The following CHCHD3 variants were observed in gnomAD, a reference collection of about 807,000 sequenced individuals.
The protein encoded by CHCHD3 is coiled-coil-helix-coiled-coil-helix domain containing 3.
Under a neutral mutation model 38.2 loss-of-function variants are expected in CHCHD3, and 20 were observed. The observed-to-expected ratio is 0.52, with a 90% CI of 0.37 to 0.76. CHCHD3 has a LOEUF of 0.76. Ranked by LOEUF, CHCHD3 falls within the 30% of genes least tolerant of loss-of-function variation. The pLI is 0.00. For missense variants in CHCHD3, 245 were observed against 279.2 expected (o/e 0.88, Z 0.87); for synonymous variants, 82 against 100.0 (o/e 0.82, Z 1.07).
intron 2 of CHCHD3, among the ~76,000 whole-genome samples, chr7:133,051,377 G>A (rs1208929155): frequency 6.6e-6 from 1 of 152,136 alleles, no homozygotes; most frequent in Non-Finnish European, 1.5e-5. Flanking sequence ...CAGCTGCTCT[G>A]TTAAATTTAG....
chr7:133,043,988 T>C (rs1813906558), intron 2 of CHCHD3, among the ~76,000 whole-genome samples: 1 of 152,228 alleles, frequency 6.6e-6, no homozygotes, highest in South Asian at 2.1e-4. Context: ...TTTATGATGC[T>C]CATTAACCTG....
rs193291721 is a variant in CHCHD3 at position 133,060,148 on chromosome 7, G to A, written c.169+9994C>T. 4.6e-5 allele frequency among the ~76,000 whole-genome samples: 7 copies of A among 152,228 alleles called. No homozygotes were observed. In the East Asian group the frequency reaches 1.4e-3, roughly 29 times the overall value. On this transcript the variant is annotated intron_variant, in intron 2 of 7. Transcript: ENST00000262570. ...AATGGCTCTTGAAGGAAATCTCCTC[G>A]ACCCTCTGAGACTTCTTCTTTTCCT...
At chr7:132,888,257 T>C (rs1027729587) in intron 4 of CHCHD3, among the ~76,000 whole-genome samples, 1 of 151,910 alleles carries the variant, frequency 6.6e-6, no homozygotes, top group Non-Finnish European at 1.5e-5. Flanking sequence ...ATCTATTTTC[T>C]TATTTTTGCT....
At chr7:132,887,115 A>G in intron 4 of CHCHD3, 1 of 435,804 alleles carries the variant, frequency 2.3e-6, no homozygotes, top group Non-Finnish European at 3.8e-6. Context: ...GTAATGGAGA[A>G]AAAATAAAAA....
chr7:133,016,398 T>C (rs115908023), intron 3 of CHCHD3, among the ~76,000 whole-genome samples: 1 of 152,240 alleles, frequency 6.6e-6, no homozygotes, highest in African/African-American at 2.4e-5. Context: ...GCATGTTCTA[T>C]GTATGTGTCT....
At position 132,975,252 on chromosome 7, in the gene CHCHD3, C is replaced by T. The variant is rs757384725; in HGVS notation, c.286G>A (p.Ala96Thr). 5 of 1,613,106 alleles carry T rather than the reference C, an allele frequency of 3.1e-6. No homozygotes were observed. In the South Asian group the frequency reaches 3.3e-5, roughly 11 times the overall value. Reference sequence around the variant, plus strand: ...CTGGTTAACTGCTCATTGGCAGCAGCCCTCTCTCGGTCCAGCTCTTTGGCT... The same window carrying T: ...CTGGTTAACTGCTCATTGGCAGCAGTCCTCTCTCGGTCCAGCTCTTTGGCT... ...KQAKELDRER[A>T]AANEQLTRAI... Residue 96 changes from alanine (A) to threonine (T), a missense_variant, in exon 4 of 8, where the codon GCT (alanine) becomes ACT (threonine). Physicochemically the swap from Ala to Thr is moderately conservative, Grantham distance 58 (BLOSUM62 0). Coordinates refer to ENST00000262570, the MANE Select transcript of CHCHD3 (RefSeq NM_017812.4).
intron 3 of CHCHD3, among the ~76,000 whole-genome samples, chr7:133,016,237 T>C (rs753767252): frequency 4.6e-5 from 7 of 152,134 alleles, no homozygotes; most frequent in Non-Finnish European, 8.8e-5. Context: ...ATAGTTGAAA[T>C]GAATGAAAAT....
intron 5 of CHCHD3, among the ~76,000 whole-genome samples, chr7:132,869,337 T>G (rs932955380): frequency 6.6e-6 from 1 of 152,152 alleles, no homozygotes; most frequent in African/African-American, 2.4e-5. Context: ...CCATAGAATT[T>G]AATAAACATA....
At chr7:132,830,250 TCA>T (rs1374856860) in intron 6 of CHCHD3, among the ~76,000 whole-genome samples, 3 of 152,204 alleles carry the variant, frequency 2.0e-5, no homozygotes, top group African/African-American at 7.2e-5. Context: ...AAAGCCAGTC[TCA>T]CTTTCCTTGG....
chr7:133,055,711 G>A (rs917821927), intron 2 of CHCHD3, among the ~76,000 whole-genome samples: 2 of 150,738 alleles, frequency 1.3e-5, no homozygotes, highest in South Asian at 4.2e-4. Flanking sequence ...GAAAAATATA[G>A]ATAAAATGTC....
At chr7:132,910,379 T>C (rs374223605) in intron 4 of CHCHD3, among the ~76,000 whole-genome samples, 2 of 152,354 alleles carry the variant, frequency 1.3e-5, no homozygotes, top group African/African-American at 4.8e-5. Flanking sequence ...TATACTTGCC[T>C]GTATTGTTCA....
intron 2 of CHCHD3, among the ~76,000 whole-genome samples, chr7:133,032,889 T>A (rs922926470): frequency 6.6e-6 from 1 of 152,196 alleles, no homozygotes; most frequent in Non-Finnish European, 1.5e-5. Context: ...CAAAAATGAT[T>A]ATATTTTGTT....
At chr7:132,826,762 G>A (rs1807519303) in intron 6 of CHCHD3, among the ~76,000 whole-genome samples, 1 of 152,168 alleles carries the variant, frequency 6.6e-6, no homozygotes, top group Non-Finnish European at 1.5e-5. Flanking sequence ...TACTGCATAT[G>A]ATTATTATAT....
intron 4 of CHCHD3, among the ~76,000 whole-genome samples, chr7:132,943,907 C>T (rs1426448617): frequency 2.0e-5 from 3 of 151,992 alleles, no homozygotes; most frequent in East Asian, 1.9e-4. Context: ...TAAATAACAA[C>T]AGAACTTGTA....
At chr7:132,861,661 C>A (rs1808493583) in intron 5 of CHCHD3, among the ~76,000 whole-genome samples, 1 of 152,190 alleles carries the variant, frequency 6.6e-6, no homozygotes, top group African/African-American at 2.4e-5. Flanking sequence ...GTCACATGGT[C>A]TCTGTCAAAG....
chr7:132,849,024 C>A (rs1441171609), intron 5 of CHCHD3: 2 of 152,174 alleles, frequency 1.3e-5, no homozygotes, highest in African/African-American at 4.8e-5. Context: ...GAAAGGTACA[C>A]TAAGGAATGG....
At chr7:132,939,566 C>T (rs926445332) in intron 4 of CHCHD3, among the ~76,000 whole-genome samples, 3 of 152,150 alleles carry the variant, frequency 2.0e-5, no homozygotes, top group African/African-American at 7.2e-5. Context: ...TGTAAGTACA[C>T]TCTCTAGTAT....
rs553841903 is a variant in CHCHD3, at chr7:132,901,004, C to T, written c.370-15259G>A. Among the ~76,000 whole-genome samples, 4 of 151,964 alleles carry T rather than the reference C, an allele frequency of 2.6e-5. No homozygotes were observed. In the South Asian group the frequency reaches 8.3e-4, roughly 32 times the overall value. On this transcript the variant is annotated intron_variant, in intron 4 of 7. Transcript: ENST00000262570. ...AGCCTCCCTCTCAAAAAACAAAAAACAGAGAGAGAAAAAAAGAAAAATAGA... is the reference window on the plus strand; with the variant it reads ...AGCCTCCCTCTCAAAAAACAAAAAATAGAGAGAGAAAAAAAGAAAAATAGA...
chr7:132,978,268 G>A (rs1811824199), intron 3 of CHCHD3, among the ~76,000 whole-genome samples: 1 of 152,076 alleles, frequency 6.6e-6, no homozygotes. Flanking sequence ...TAACTACAAT[G>A]CCATCTCCAT....
Sources: allele counts gnomAD v4.1 joint callset (sites outside exome capture counted in the v4.1 genomes callset), GRCh38; gene constraint gnomAD v4.1.1; transcripts MANE v1.5; gene names NCBI Gene and HGNC (gene_info 2026-07-23, HGNC 2026-07-21).